The following TMEM181 variants were observed in gnomAD, a reference collection of about 807,000 sequenced individuals.
TMEM181 encodes G protein-coupled receptor 178.
In TMEM181, 39 loss-of-function variants were observed where a neutral mutation model predicts 71.9. That is an observed-to-expected ratio of 0.54 (90% CI 0.42 to 0.71). The LOEUF is 0.71. TMEM181 is among the 30% of genes least tolerant of loss of function. The pLI, the probability that TMEM181 is intolerant of heterozygous loss-of-function variation, is 0.00. For missense variants in TMEM181, 595 were observed against 583.0 expected (o/e 1.02, Z -0.21); for synonymous variants, 245 against 228.8 (o/e 1.07, Z -0.64).
chr6:158,568,375 A>C (rs1562624846), intron 1 of TMEM181, among the ~76,000 whole-genome samples: 2 of 152,132 alleles, frequency 1.3e-5, no homozygotes, highest in Non-Finnish European at 1.5e-5. Context: ...TCCTGAAGGC[A>C]GGAAGGACGG....
intron 10 of TMEM181, among the ~76,000 whole-genome samples, chr6:158,623,158 C>G (rs1208154762): frequency 6.6e-6 from 1 of 152,216 alleles, no homozygotes; most frequent in Non-Finnish European, 1.5e-5. Flanking sequence ...TTTTGAAAAT[C>G]AATCTCATGG....
chr6:158,540,221 C>A (rs142694271), intron 1 of TMEM181, among the ~76,000 whole-genome samples: 1 of 152,146 alleles, frequency 6.6e-6, no homozygotes, highest in Non-Finnish European at 1.5e-5. Flanking sequence ...GTATCTACAC[C>A]CCACCAAAAT....
intron 1 of TMEM181, among the ~76,000 whole-genome samples, chr6:158,561,156 T>G (rs1262421273): frequency 4.6e-5 from 7 of 152,192 alleles, no homozygotes; most frequent in Admixed American, 4.6e-4. Flanking sequence ...TTGCTTTGGA[T>G]CTTTGCTGAT....
At chr6:158,549,187 G>A (rs952980754) in intron 1 of TMEM181, among the ~76,000 whole-genome samples, 4 of 146,400 alleles carry the variant, frequency 2.7e-5, no homozygotes, top group African/African-American at 1.0e-4. Flanking sequence ...GCGCGATCAC[G>A]GCTCACTGCA....
At chr6:158,571,762 G>A (rs956892081) in intron 1 of TMEM181, among the ~76,000 whole-genome samples, 5 of 152,228 alleles carry the variant, frequency 3.3e-5, no homozygotes, top group Non-Finnish European at 5.9e-5. Flanking sequence ...AGCCTGCAGC[G>A]CCGTCCCAGA....
intron 6 of TMEM181, among the ~76,000 whole-genome samples, chr6:158,602,863 T>G (rs913351831): frequency 3.9e-5 from 6 of 152,210 alleles, no homozygotes; most frequent in African/African-American, 1.4e-4. Flanking sequence ...ATTACAGGTG[T>G]GAGCCACTGC....
chr6:158,599,554 G>A (rs1583011016), intron 6 of TMEM181, among the ~76,000 whole-genome samples: 1 of 152,154 alleles, frequency 6.6e-6, no homozygotes, highest in Middle Eastern at 3.4e-3. Flanking sequence ...TGTATTTTGG[G>A]GTTTAAAAAT....
intron 1 of TMEM181, among the ~76,000 whole-genome samples, chr6:158,573,006 C>T (rs1048200950): frequency 5.3e-5 from 8 of 151,866 alleles, no homozygotes; most frequent in Admixed American, 5.3e-4. Flanking sequence ...CCCCCATAGG[C>T]CGTGTGCTTG....
chr6:158,554,897 C>G (rs555122631), intron 1 of TMEM181, among the ~76,000 whole-genome samples: 1 of 152,146 alleles, frequency 6.6e-6, no homozygotes, highest in Admixed American at 6.5e-5. Context: ...TTATTTGCCC[C>G]GATAGGTAAT....
chr6:158,573,605 C>T, intron 2 of TMEM181, 82 bp downstream of exon 2: 1 of 1,204,010 alleles, frequency 8.3e-7, no homozygotes, highest in South Asian at 1.3e-5. Context: ...CCAGCTGTGC[C>T]CCTATCTTCC....
chr6:158,585,750 C>G (rs1783732098), intron 5 of TMEM181, among the ~76,000 whole-genome samples: 1 of 152,168 alleles, frequency 6.6e-6, no homozygotes, highest in African/African-American at 2.4e-5. Context: ...ACCTTCTGCC[C>G]AGTGTGTCCC....
chr6:158,593,033 T>C (rs1347875316), intron 6 of TMEM181, among the ~76,000 whole-genome samples: 5 of 152,220 alleles, frequency 3.3e-5, no homozygotes, highest in Non-Finnish European at 7.3e-5. Flanking sequence ...GATTTAACTT[T>C]TGGGGTAATT....
intron 6 of TMEM181, among the ~76,000 whole-genome samples, chr6:158,598,022 A>G (rs1348783569): frequency 6.6e-6 from 1 of 151,982 alleles, no homozygotes. Context: ...TCGTGCCCAC[A>G]CCCGTTGCCA....
chr6:158,579,265 T>TAAA (rs34507190), intron 2 of TMEM181, among the ~76,000 whole-genome samples: 4 of 138,402 alleles, frequency 2.9e-5, no homozygotes, highest in Non-Finnish European at 3.2e-5. Context: ...GTCTCAAAAT[T>TAAA]AAAAAAAAAA....
Position 158,623,571 on chromosome 6 carries a change from A to C in TMEM181, c.918A>C (p.Pro306=). The C allele has an allele frequency of 6.3e-7, 1 of 1,581,002 alleles. No individual in the cohort carries two copies. The highest frequency in any genetic ancestry group is 8.6e-7 in the Non-Finnish European group (1 of 1,161,016). The change falls in exon 11 of 17, where the codon CCA becomes CCC. Residue 306 remains proline (P), a synonymous_variant. Coordinates refer to ENST00000684151, the MANE Select transcript of TMEM181 (RefSeq NM_001376852.1). ...TTAGAGTTAACGAATTACATGATCC[A>C]ATGTACCAGTATCGAGTTGATACCG... ...IWQTVNELHD[P]MYQYRVDTGN... is the part of the protein sequence containing the mutation.
In TMEM181 at chr6:158,605,447, T is replaced by A. The variant is rs1583021634; in HGVS notation, c.573+100T>A. 9.5e-6 allele frequency: 10 copies of A among 1,050,804 alleles called. No homozygotes were observed. The East Asian group carries it at 2.4e-4, about 25-fold the overall frequency. The allele number at this position is 1,050,804 out of a possible 1,614,324, so 65.1% of individuals were successfully genotyped here. A position where few individuals can be genotyped will look rare whatever the true frequency, so the allele number is the denominator to read the frequency against. On this transcript the variant is annotated intron_variant, in intron 7 of 16. Transcript: ENST00000684151. Reference sequence around the variant, plus strand: ...GGTGCAAGCCACATGGAGATTGATCTGAACTCAGATGCTCCATCCAGTGGG... The same window carrying A: ...GGTGCAAGCCACATGGAGATTGATCAGAACTCAGATGCTCCATCCAGTGGG...
chr6:158,595,737 C>T (rs536553984), intron 6 of TMEM181, among the ~76,000 whole-genome samples: 1 of 152,030 alleles, frequency 6.6e-6, no homozygotes, highest in Non-Finnish European at 1.5e-5. Context: ...CAAAATGAAC[C>T]TGTGCTGTTG....
chr6:158,598,780 T>C (rs977523064), intron 6 of TMEM181, among the ~76,000 whole-genome samples: 2 of 151,950 alleles, frequency 1.3e-5, no homozygotes, highest in Admixed American at 1.3e-4. Flanking sequence ...TTCAGGCCAT[T>C]CTCCTGCCTC....
intron 11 of TMEM181, among the ~76,000 whole-genome samples, chr6:158,624,594 C>T (rs918836691): frequency 6.6e-6 from 1 of 152,258 alleles, no homozygotes; most frequent in African/African-American, 2.4e-5. Context: ...CAGAATTGTG[C>T]ACTTTTAGAC....
Sources: allele counts gnomAD v4.1 joint callset (sites outside exome capture counted in the v4.1 genomes callset), GRCh38; gene constraint gnomAD v4.1.1; transcripts MANE v1.5; gene names NCBI Gene and HGNC (gene_info 2026-07-23, HGNC 2026-07-21).